FTO: variants seen among roughly 807,000 people sequenced by gnomAD.
FTO encodes the protein FTO alpha-ketoglutarate dependent dioxygenase.
FTO carries 47 observed loss-of-function variants against 63.9 expected under a neutral mutation model. The ratio of observed to expected loss-of-function variants is 0.74; its 90% CI spans 0.58 to 0.94. FTO has a LOEUF of 0.94. FTO is among the 40% of genes least tolerant of loss of function. FTO has a pLI of 0.00. For missense variants in FTO, 562 were observed against 618.1 expected, an observed-to-expected ratio of 0.91 and a Z score of 0.96; for synonymous variants, 207 against 224.4, an observed-to-expected ratio of 0.92 and a Z score of 0.69.
intron 8 of FTO, among the ~76,000 whole-genome samples, chr16:53,947,055 T>C (rs77271058): frequency 0.019 from 2,888 of 152,274 alleles, 101 homozygotes; most frequent in African/African-American, 0.062. Context: ...ATCTTGAAGG[T>C]AAAATGTAAC....
intron 1 of FTO, among the ~76,000 whole-genome samples, chr16:53,738,021 G>C (rs55957998): frequency 7.3e-6 from 1 of 136,418 alleles, no homozygotes; most frequent in Non-Finnish European, 1.5e-5. Context: ...TTGCACAATC[G>C]TAGCTTTTTT....
chr16:53,731,536 A>G lies in FTO; in HGVS notation c.45+27307A>G, dbSNP rs75709997. Among the ~76,000 whole-genome samples the G allele has an allele frequency of 2.5e-4, 38 of 152,152 alleles. 1 individual carries two copies. In the East Asian group the frequency reaches 6.0e-3, roughly 24 times the overall value. On this transcript the variant is annotated intron_variant, in intron 1 of 8. Transcript: ENST00000471389. The stretch of plus-strand genomic sequence containing the variant: ...GTTTGAGATGTCAGCCTCCTAGTTC[A>G]TTGTTACCTTCTTTTTTTAAAATTT...
chr16:53,762,355 A>G (rs559407680), intron 1 of FTO, among the ~76,000 whole-genome samples: 63 of 151,998 alleles, frequency 4.1e-4, no homozygotes, highest in Non-Finnish European at 8.7e-4. Flanking sequence ...TTCTGTAGTT[A>G]TGCATTTCTG....
At chr16:53,776,017 A>AGG (rs1555632042) in intron 1 of FTO, among the ~76,000 whole-genome samples, 1 of 152,028 alleles carries the variant, frequency 6.6e-6, no homozygotes, top group Non-Finnish European at 1.5e-5. Context: ...CTTGGGAAAA[A>AGG]GGGGATGGTG....
rs1268538394 is a variant in FTO, at chr16:54,114,297, T to C, written c.*2382T>C. The stretch of plus-strand genomic sequence containing the variant: ...GACCTGCATCACCCTTTCATGTCAG[T>C]GCTCTCCAAACCTGCTTGCTTGCAC... On this transcript the variant is annotated 3_prime_UTR_variant, in exon 9 of 9. Transcript: ENST00000471389. 1 of 152,212 alleles carries C rather than the reference T, an allele frequency of 6.6e-6. No individual in the cohort carries two copies. The highest frequency in any genetic ancestry group is 1.5e-5 in the Non-Finnish European group (1 of 68,052). 9.4% of individuals were successfully genotyped at this position (152,212 alleles called of 1,614,324 possible).
chr16:53,736,959 G>C (rs78395641), intron 1 of FTO, among the ~76,000 whole-genome samples: 10,103 of 152,128 alleles, frequency 0.066, 1,075 homozygotes, highest in African/African-American at 0.23. Context: ...TAAAGTTTCT[G>C]CCTCTGCAAA....
chr16:53,946,850 T>C (rs1413545728), intron 8 of FTO, among the ~76,000 whole-genome samples: 1 of 152,158 alleles, frequency 6.6e-6, no homozygotes, highest in African/African-American at 2.4e-5. Context: ...TCGGAAAGCA[T>C]AGGTTTTGCT....
chr16:53,792,033 G>A (rs1274905359), intron 1 of FTO, among the ~76,000 whole-genome samples: 2 of 149,854 alleles, frequency 1.3e-5, no homozygotes, highest in South Asian at 2.1e-4. Context: ...CCGAGATTGC[G>A]CCACTGCACT....
chr16:54,021,380 G>A (rs2084594764), intron 8 of FTO, among the ~76,000 whole-genome samples: 1 of 151,770 alleles, frequency 6.6e-6, no homozygotes, highest in African/African-American at 2.4e-5. Context: ...CTCCTCAGAG[G>A]GTAGGCTGGG....
At chr16:53,811,308 C>T (rs1293453561) in intron 2 of FTO, among the ~76,000 whole-genome samples, 2 of 152,188 alleles carry the variant, frequency 1.3e-5, no homozygotes, top group African/African-American at 2.4e-5. Context: ...AGAGGGTTGC[C>T]GTGAAAATCA....
intron 8 of FTO, among the ~76,000 whole-genome samples, chr16:53,973,289 G>A (rs372708614): frequency 3.9e-5 from 6 of 152,164 alleles, no homozygotes; most frequent in Non-Finnish European, 5.9e-5. Context: ...ACATGGAGCC[G>A]TCCCATGTCC....
chr16:54,067,143 T>C (rs1201766635), intron 8 of FTO, among the ~76,000 whole-genome samples: 1 of 151,142 alleles, frequency 6.6e-6, no homozygotes, highest in Admixed American at 6.6e-5. Context: ...GTTGTTGTTT[T>C]TTTTTTGTTT....
rs753714090 is a variant in FTO, at chr16:53,825,920, G to A, written c.180G>A (p.Glu60=). The A allele has an allele frequency of 6.2e-7, 1 of 1,614,040 alleles. No individual in the cohort carries two copies. The highest frequency in any genetic ancestry group is 8.5e-7 in the Non-Finnish European group (1 of 1,180,032). The change falls in exon 3 of 9, where the codon GAG becomes GAA. Residue 60 remains glutamate, a synonymous_variant. Coordinates refer to ENST00000471389, the MANE Select transcript of FTO (RefSeq NM_001080432.3). The part of the protein sequence containing the change: ...ILREASSVSE[E]LHKEVQEAFL... ...GAGAAGCCAGCAGTGTATCTGAGGA[G>A]CTCCATAAAGAGGTTCAAGAAGCCT...
At chr16:53,709,170 T>G (rs1043899894) in intron 1 of FTO, among the ~76,000 whole-genome samples, 11 of 152,360 alleles carry the variant, frequency 7.2e-5, no homozygotes, top group Non-Finnish European at 1.2e-4. Flanking sequence ...TAGATCATAT[T>G]TTCTCTCTTG....
intron 8 of FTO, among the ~76,000 whole-genome samples, chr16:53,936,878 TA>T (rs2082402943): frequency 6.6e-6 from 1 of 152,210 alleles, no homozygotes; most frequent in Non-Finnish European, 1.5e-5. Flanking sequence ...AACTTTAGTA[TA>T]AGTCTTTTGT....
intron 7 of FTO, among the ~76,000 whole-genome samples, chr16:53,892,878 A>G (rs17820875): frequency 0.16 from 23,695 of 152,120 alleles, 1,959 homozygotes; most frequent in Middle Eastern, 0.2. Flanking sequence ...GAGCTTTGAA[A>G]TCGCTTTTCT....
At chr16:53,990,201 A>G (rs1290468484) in intron 8 of FTO, among the ~76,000 whole-genome samples, 1 of 152,182 alleles carries the variant, frequency 6.6e-6, no homozygotes, top group East Asian at 1.9e-4. Flanking sequence ...TCATAGTGTT[A>G]TTGGAGCTCA....
At chr16:53,894,523 T>C (rs1181187477) in intron 7 of FTO, among the ~76,000 whole-genome samples, 1 of 152,234 alleles carries the variant, frequency 6.6e-6, no homozygotes, top group East Asian at 1.9e-4. Context: ...GCTAAGTTTA[T>C]TTTAAACTTC....
intron 1 of FTO, among the ~76,000 whole-genome samples, chr16:53,712,704 T>C (rs1598468875): frequency 6.6e-6 from 1 of 152,348 alleles, no homozygotes; most frequent in South Asian, 2.1e-4. Context: ...CATTTGTGTC[T>C]AATTCATCTT....
Sources: gnomAD v4.1 joint callset for allele counts (sites outside exome capture counted in the v4.1 genomes callset) on GRCh38, gnomAD v4.1.1 for gene constraint, MANE v1.5 for transcripts, NCBI Gene and HGNC (gene_info 2026-07-23, HGNC 2026-07-21) for gene names.